The following LRP1B variants were observed in gnomAD, a reference collection of about 807,000 sequenced individuals.
LRP1B encodes the protein low-density lipoprotein receptor-related protein 1B.
Under a neutral mutation model 556.6 loss-of-function variants are expected in LRP1B, and 217 were observed. The ratio of observed to expected loss-of-function variants is 0.39; its 90% CI spans 0.35 to 0.44. The LOEUF (loss-of-function observed/expected upper bound fraction) is 0.44. LRP1B is among the 20% of genes least tolerant of loss of function. The probability of loss-of-function intolerance (pLI) is 1.00; values close to 1 mark genes in which losing one functional copy is unlikely to be tolerated. For missense variants in LRP1B, 5,053 were observed against 5,620.8 expected, an observed-to-expected ratio of 0.90 and a Z score of 3.23; for synonymous variants, 2,047 against 1,865.8, an observed-to-expected ratio of 1.10 and a Z score of -2.50.
chr2:140,657,098 T>C (rs72979831), intron 41 of LRP1B, among the ~76,000 whole-genome samples: 2,312 of 152,190 alleles, frequency 0.015, 58 homozygotes, highest in African/African-American at 0.052. Context: ...ATAGTACTGA[T>C]AGGCATTTAT....
At chr2:141,657,934 G>A (rs355573) in intron 2 of LRP1B, among the ~76,000 whole-genome samples, 116,392 of 152,116 alleles carry the variant, frequency 0.77, 45,159 homozygotes, top group African/African-American at 0.88. Context: ...AATTGAAAAA[G>A]GTTTAAACGA....
intron 37 of LRP1B, among the ~76,000 whole-genome samples, chr2:140,715,362 G>A (rs1687173026): frequency 6.6e-6 from 1 of 151,940 alleles, no homozygotes; most frequent in African/African-American, 2.4e-5. Context: ...AAAGATAGAG[G>A]GTGTTGGATT....
intron 7 of LRP1B, among the ~76,000 whole-genome samples, chr2:141,130,189 T>C (rs1009632784): frequency 5.3e-5 from 8 of 150,660 alleles, no homozygotes; most frequent in African/African-American, 1.7e-4. Context: ...ACAATAAACA[T>C]AGCCAAAAGA....
chr2:141,162,594 T>C (rs1680085685), intron 7 of LRP1B, among the ~76,000 whole-genome samples: 1 of 152,090 alleles, frequency 6.6e-6, no homozygotes, highest in South Asian at 2.1e-4. Flanking sequence ...GGCAAGGAAG[T>C]TAGCTTGCAA....
At chr2:140,837,953 A>G (rs1559148656) in intron 31 of LRP1B, among the ~76,000 whole-genome samples, 1 of 152,166 alleles carries the variant, frequency 6.6e-6, no homozygotes, top group Non-Finnish European at 1.5e-5. Flanking sequence ...TTAAAAAAAA[A>G]TATATCACTT....
At chr2:140,454,249 A>T (rs1036030908) in intron 62 of LRP1B, among the ~76,000 whole-genome samples, 50 of 152,084 alleles carry the variant, frequency 3.3e-4, no homozygotes, top group African/African-American at 1.2e-3. Flanking sequence ...TCTGGGTTCA[A>T]GCAATTCTCA....
At chr2:140,835,090 A>C (rs1691853946) in intron 31 of LRP1B, among the ~76,000 whole-genome samples, 1 of 152,236 alleles carries the variant, frequency 6.6e-6, no homozygotes, top group Non-Finnish European at 1.5e-5. Flanking sequence ...AAAATATGCC[A>C]CGCCAAAATA....
Position 141,966,791 on chromosome 2 carries a change from C to T in LRP1B, c.83-156390G>A, listed in dbSNP as rs72988308. Among the ~76,000 whole-genome samples the T allele has an allele frequency of 6.7e-3, 1,018 of 151,714 alleles. 12 individuals are homozygous for T. The highest frequency in any genetic ancestry group is 0.023 in the African/African-American group (951 of 41,426). On this transcript the variant is annotated intron_variant, in intron 1 of 90. Coordinates refer to ENST00000389484, the MANE Select transcript of LRP1B (RefSeq NM_018557.3). ...AGATAACAGCACCCTATGGATGTTC[C>T]GGTGGAGAAATCATTCTAACCCATT...
At chr2:140,319,220 A>G (rs1435919280) in intron 82 of LRP1B, among the ~76,000 whole-genome samples, 2 of 152,174 alleles carry the variant, frequency 1.3e-5, no homozygotes, top group Non-Finnish European at 2.9e-5. Context: ...ATTACATAAA[A>G]GAGGAAAGGA....
chr2:141,906,975 A>C (rs1350280380), intron 1 of LRP1B, among the ~76,000 whole-genome samples: 1 of 152,040 alleles, frequency 6.6e-6, no homozygotes, highest in Non-Finnish European at 1.5e-5. Flanking sequence ...CAAACTTTAG[A>C]AAATAACTAA....
chr2:140,633,551 A>G (rs1255156170), intron 41 of LRP1B, among the ~76,000 whole-genome samples: 1 of 152,176 alleles, frequency 6.6e-6, no homozygotes, highest in African/African-American at 2.4e-5. Context: ...TTAACTGAAA[A>G]GATAAATAAA....
At chr2:140,388,330 A>G (rs747867718) in intron 66 of LRP1B, among the ~76,000 whole-genome samples, 20 of 152,298 alleles carry the variant, frequency 1.3e-4, no homozygotes, top group Admixed American at 1.2e-3. Flanking sequence ...CATGTAATCC[A>G]GTTTTATAGC....
At chr2:140,425,342 T>C (rs1043903347) in intron 66 of LRP1B, among the ~76,000 whole-genome samples, 11 of 152,080 alleles carry the variant, frequency 7.2e-5, no homozygotes, top group Admixed American at 6.6e-4. Context: ...CTGTATTGAG[T>C]AATGGTTGGG....
intron 3 of LRP1B, among the ~76,000 whole-genome samples, chr2:141,436,437 T>C (rs951209992): frequency 6.6e-6 from 1 of 152,160 alleles, no homozygotes; most frequent in Non-Finnish European, 1.5e-5. Context: ...GGAGAGATGT[T>C]GATCAAAGGG....
At chr2:141,510,195 GACACAC>G (rs59647485) in intron 2 of LRP1B, among the ~76,000 whole-genome samples, 12 of 95,106 alleles carry the variant, frequency 1.3e-4, no homozygotes, top group East Asian at 4.9e-4. Context: ...CGGCAATACA[GACACAC>G]ACACACACAC....
At chr2:140,379,394 A>G (rs1206219715) in intron 67 of LRP1B, among the ~76,000 whole-genome samples, 1 of 152,120 alleles carries the variant, frequency 6.6e-6, no homozygotes, top group Non-Finnish European at 1.5e-5. Flanking sequence ...CTACATTCCT[A>G]TATAAAGAAA....
chr2:140,620,981 G>C (rs891575462), intron 41 of LRP1B, among the ~76,000 whole-genome samples: 9 of 151,658 alleles, frequency 5.9e-5, no homozygotes, highest in African/African-American at 2.2e-4. Flanking sequence ...ATTAAAATTT[G>C]TTAATGTTAT....
chr2:140,817,426 T>A (rs962650169), intron 31 of LRP1B, among the ~76,000 whole-genome samples: 1 of 152,054 alleles, frequency 6.6e-6, no homozygotes. Context: ...CTAATCCATA[T>A]GCTTTAATTC....
At chr2:141,446,739 C>T (rs1233470953) in intron 3 of LRP1B, among the ~76,000 whole-genome samples, 1 of 152,150 alleles carries the variant, frequency 6.6e-6, no homozygotes, top group East Asian at 1.9e-4. Flanking sequence ...ATATTGGCCC[C>T]CACTCTCTGC....
Sources: allele counts gnomAD v4.1 joint callset (sites outside exome capture counted in the v4.1 genomes callset), GRCh38; gene constraint gnomAD v4.1.1; transcripts MANE v1.5; gene names NCBI Gene and HGNC (gene_info 2026-07-23, HGNC 2026-07-21).